The following HERC6 variants were observed in gnomAD, a reference collection of about 807,000 sequenced individuals.
HERC6 encodes the protein probable E3 ubiquitin-protein ligase HERC6.
In HERC6, 101 loss-of-function variants were observed where a neutral mutation model predicts 114.5. That is an observed-to-expected ratio of 0.88 (90% CI 0.75 to 1.04). The LOEUF is 1.04. Ranked by LOEUF, HERC6 falls within the 50% of genes least tolerant of loss-of-function variation. The pLI is 0.00. For synonymous variants in HERC6, 408 were observed against 436.2 expected (o/e 0.94, Z 0.81); for missense variants, 1,133 against 1,230.9 (o/e 0.92, Z 1.19).
chr4:88,398,053 A>G (rs1735338318), intron 7 of HERC6, 89 bp from the exon 8 acceptor site: 1 of 726,072 alleles, frequency 1.4e-6, no homozygotes, highest in Admixed American at 3.3e-5. Context: ...ATAAATTGCC[A>G]GTAAGTAAAT....
intron 11 of HERC6, among the ~76,000 whole-genome samples, chr4:88,409,216 T>C (rs979308978): frequency 3.3e-5 from 5 of 152,260 alleles, no homozygotes; most frequent in Admixed American, 1.3e-4. Flanking sequence ...TGTTGGACTT[T>C]CATTAGTTTT....
chr4:88,417,370 G>A, intron 12 of HERC6, 55 bp from the exon 13 acceptor site: 1 of 1,518,148 alleles, frequency 6.6e-7, no homozygotes, highest in Non-Finnish European at 9.0e-7. Flanking sequence ...TAGAAACAGA[G>A]ATTTGGGGGG....
At position 88,429,457 on chromosome 4, in the gene HERC6, TAAGACCTTCCACTA is replaced by T. The variant is rs546442800; in HGVS notation, c.2106+722_2106+735del. On this transcript the variant is annotated intron_variant, in intron 16 of 22. Coordinates refer to ENST00000264346, the MANE Select transcript of HERC6 (RefSeq NM_017912.4). ...ACATGTTGGCTCTAGTTTCATCACT[TAAGACCTTCCACTA>T]AAGACCTTCCACTATATGAGTTTCA... Among the ~76,000 whole-genome samples the T allele has an allele frequency of 1.3e-3, 203 of 152,322 alleles. 1 individual carries two copies. Among genetic ancestry groups the T allele is most frequent in the African/African-American group, 4.6e-3 (190 of 41,570 alleles).
Position 88,385,522 on chromosome 4 carries a change from T to TA in HERC6, c.388dup (p.Ile130AsnfsTer18). The TA allele has an allele frequency of 6.7e-7, 1 of 1,484,052 alleles. No homozygotes were observed. Among genetic ancestry groups the TA allele is most frequent in the Non-Finnish European group, 9.1e-7 (1 of 1,102,126 alleles). The allele number at this position is 1,484,052 out of a possible 1,614,324, so 91.9% of individuals were successfully genotyped here. A position where few individuals can be genotyped will look rare whatever the true frequency, so the allele number is the denominator to read the frequency against. ...AGGAAAATAATGACTCTGAATGATA[T>TA]AAAAATAATACAAGTTTCCTGTGGA... On this transcript the variant is annotated frameshift_variant, in exon 3 of 23. Transcript: ENST00000264346. LOFTEE classifies it high-confidence loss of function.
At chr4:88,389,132 G>C (rs1193955432) in intron 3 of HERC6, among the ~76,000 whole-genome samples, 1 of 152,086 alleles carries the variant, frequency 6.6e-6, no homozygotes, top group African/African-American at 2.4e-5. Context: ...AACCATGAAA[G>C]AATTACCCAG....
intron 16 of HERC6, among the ~76,000 whole-genome samples, chr4:88,429,361 A>G (rs1737958694): frequency 6.6e-6 from 1 of 152,352 alleles, no homozygotes; most frequent in South Asian, 2.1e-4. Flanking sequence ...TGCAAAAGAC[A>G]TGGATCACAG....
intron 11 of HERC6, among the ~76,000 whole-genome samples, chr4:88,410,044 C>T (rs1316013070): frequency 6.6e-6 from 1 of 152,200 alleles, no homozygotes; most frequent in Non-Finnish European, 1.5e-5. Context: ...AGTGTCCTCA[C>T]ATGGCAGTGT....
chr4:88,433,796 T>C (rs1187670733), intron 17 of HERC6, among the ~76,000 whole-genome samples: 1 of 152,168 alleles, frequency 6.6e-6, no homozygotes, highest in Admixed American at 6.5e-5. Flanking sequence ...CCCTTTCCCA[T>C]AAACTTCCAA....
At chr4:88,403,408 T>C (rs1192840059) in intron 8 of HERC6, among the ~76,000 whole-genome samples, 1 of 152,178 alleles carries the variant, frequency 6.6e-6, no homozygotes, top group African/African-American at 2.4e-5. Flanking sequence ...AACTAATTAT[T>C]GAGTGCCTAT....
intron 8 of HERC6, among the ~76,000 whole-genome samples, chr4:88,402,100 AATTG>A (rs1188134835): frequency 1.3e-5 from 2 of 152,202 alleles, no homozygotes; most frequent in Admixed American, 6.5e-5. Flanking sequence ...CAACAGGGCT[AATTG>A]ATTGGAGATC....
At chr4:88,409,799 T>G (rs1278306460) in intron 11 of HERC6, among the ~76,000 whole-genome samples, 1 of 152,224 alleles carries the variant, frequency 6.6e-6, no homozygotes, top group Admixed American at 6.5e-5. Context: ...TGGGTTGTAT[T>G]GGGAAGAAAA....
chr4:88,390,177 CAAAAAAAAAA>C (rs1156777502), intron 3 of HERC6, among the ~76,000 whole-genome samples: 6 of 48,644 alleles, frequency 1.2e-4, no homozygotes, highest in Admixed American at 4.8e-4. Context: ...AACTCTGTAT[CAAAAAAAAAA>C]AAAAAAAAAA....
intron 2 of HERC6, among the ~76,000 whole-genome samples, chr4:88,385,024 GA>G (rs58142519): frequency 0.37 from 53,834 of 146,668 alleles, 9,948 homozygotes; most frequent in East Asian, 0.47. Flanking sequence ...CTCCGTCTGT[GA>G]AAAAAAAAAA....
chr4:88,431,199 G>A lies in HERC6; in HGVS notation c.2144G>A (p.Gly715Glu). The A allele has an allele frequency of 6.2e-7, 1 of 1,612,824 alleles. No individual in the cohort carries two copies. The highest frequency in any genetic ancestry group is 8.5e-7 in the Non-Finnish European group (1 of 1,179,318). The part of the protein sequence containing the change: ...FINEICPESG[G>E]VSSEFFHCMF... ...AATGAAATTTGTCCTGAGTCTGGAGGGGTTAGTTCAGAGTTCTTCCACTGT... is the reference window on the plus strand; with the variant it reads ...AATGAAATTTGTCCTGAGTCTGGAGAGGTTAGTTCAGAGTTCTTCCACTGT... The change falls in exon 17 of 23, where the codon GGG (glycine) becomes GAG (glutamate). Residue 715 changes from glycine to glutamate, a missense_variant. Transcript: ENST00000264346.
At chr4:88,423,551 C>G (rs556466018) in intron 13 of HERC6, among the ~76,000 whole-genome samples, 1 of 152,158 alleles carries the variant, frequency 6.6e-6, no homozygotes, top group South Asian at 2.1e-4. Flanking sequence ...TTAAAAGTAC[C>G]TTGGATTTTT....
At chr4:88,430,297 A>G (rs1369898929) in intron 16 of HERC6, among the ~76,000 whole-genome samples, 2 of 152,124 alleles carry the variant, frequency 1.3e-5, no homozygotes, top group African/African-American at 4.8e-5. Flanking sequence ...AGCTTTTAAA[A>G]AGAGGGACTG....
rs1560539575 is a variant in HERC6, at chr4:88,396,275, G to C, written c.887+133G>C. On this transcript the variant is annotated intron_variant, in intron 6 of 22. Coordinates refer to ENST00000264346, the MANE Select transcript of HERC6 (RefSeq NM_017912.4). ...TGAAAATTTACTTATTTCAAATATAGTTTAATTTTTCAGTTTTTAATCTTT... is the reference window on the plus strand; with the variant it reads ...TGAAAATTTACTTATTTCAAATATACTTTAATTTTTCAGTTTTTAATCTTT... The C allele has an allele frequency of 8.0e-6, 5 of 627,756 alleles. No individual in the cohort carries two copies. In the Middle Eastern group the frequency reaches 1.5e-3, roughly 183 times the overall value. The allele number at this position is 627,756 out of a possible 1,614,324, so 38.9% of individuals were successfully genotyped here.
chr4:88,412,092 G>A (rs528813192), intron 11 of HERC6, among the ~76,000 whole-genome samples: 4 of 152,176 alleles, frequency 2.6e-5, no homozygotes, highest in Admixed American at 6.5e-5. Flanking sequence ...ATCGAGTAAC[G>A]CTGACTTCCT....
intron 8 of HERC6, among the ~76,000 whole-genome samples, chr4:88,403,648 G>C (rs997790970): frequency 6.6e-6 from 1 of 152,018 alleles, no homozygotes; most frequent in African/African-American, 2.4e-5. Context: ...CAGCTACTCG[G>C]GAGGCTGAGG....
Sources: allele counts gnomAD v4.1 joint callset (sites outside exome capture counted in the v4.1 genomes callset), GRCh38; gene constraint gnomAD v4.1.1; transcripts MANE v1.5; gene names NCBI Gene and HGNC (gene_info 2026-07-23, HGNC 2026-07-21).